RIN3: variants seen among roughly 807,000 people sequenced by gnomAD.
The protein encoded by RIN3 is RAB5 interacting protein 3.
A neutral mutation model predicts 76.3 loss-of-function variants in RIN3; 54 were observed. The observed-to-expected ratio is 0.71, with a 90% CI of 0.57 to 0.89. The LOEUF (loss-of-function observed/expected upper bound fraction) is 0.89, where lower values mean the gene tolerates loss of function less well. Ranked by LOEUF, RIN3 falls within the 40% of genes least tolerant of loss-of-function variation. The pLI, the probability that RIN3 is intolerant of heterozygous loss-of-function variation, is 0.00. For missense variants in RIN3, 1,256 were observed against 1,322.1 expected (o/e 0.95, Z 0.78); for synonymous variants, 576 against 564.0 (o/e 1.02, Z -0.30).
At chr14:92,555,101 T>G (rs1487219186) in intron 1 of RIN3, among the ~76,000 whole-genome samples, 1 of 152,184 alleles carries the variant, frequency 6.6e-6, no homozygotes, top group Non-Finnish European at 1.5e-5. Flanking sequence ...TTGATTTGGG[T>G]GGTAGTTACA....
At position 92,652,971 on chromosome 14, in the gene RIN3, T is replaced by C; in HGVS notation, c.1922T>C (p.Leu641Pro). ...MARQTSSTEM[L>P]QEIRTMMTQL... is the part of the protein sequence containing the mutation. ...CGCCAGACCTCCAGCACGGAGATGC[T>C]GCAGGAGATTCGCACCATGATGACC... The change falls in exon 6 of 10, where the codon CTG becomes CCG. Residue 641 changes from leucine to proline, a missense_variant. Physicochemically the swap from Leu to Pro is moderately conservative, Grantham distance 98. Transcript: ENST00000216487. The surrounding 1 kb of genome is among the most constrained non-coding windows in gnomAD (Gnocchi z 6.4). 6.2e-7 allele frequency: 1 copy of C among 1,613,614 alleles called. No individual in the cohort carries two copies. The highest frequency in any genetic ancestry group is 8.5e-7 in the Non-Finnish European group (1 of 1,180,028).
rs557390467 is a variant in RIN3, at chr14:92,534,723, G to A, written c.44+20747G>A. Among the ~76,000 whole-genome samples the A allele has an allele frequency of 5.9e-4, 89 of 152,124 alleles. No homozygotes were observed. In the South Asian group the frequency reaches 0.017, roughly 29 times the overall value. On this transcript the variant is annotated intron_variant, in intron 1 of 9. Coordinates refer to ENST00000216487, the MANE Select transcript of RIN3 (RefSeq NM_024832.5). ...GGCAGCTGAGGGGCAGCCAGGCAGGGGGTCTCTGCTGGTCTTCTCAAATCC... is the reference window on the plus strand; with the variant it reads ...GGCAGCTGAGGGGCAGCCAGGCAGGAGGTCTCTGCTGGTCTTCTCAAATCC...
chr14:92,541,760 C>A (rs1897136641), intron 1 of RIN3, among the ~76,000 whole-genome samples: 1 of 152,100 alleles, frequency 6.6e-6, no homozygotes, highest in Admixed American at 6.6e-5. Flanking sequence ...AAACCACAAG[C>A]AACAAAAGAA....
intron 7 of RIN3, among the ~76,000 whole-genome samples, chr14:92,668,896 A>G (rs1291523497): frequency 6.6e-6 from 1 of 152,324 alleles, no homozygotes; most frequent in East Asian, 1.9e-4. Flanking sequence ...GCAAACACAG[A>G]TTTGAAGTCT....
chr14:92,590,168 T>G (rs1240789248), intron 3 of RIN3, among the ~76,000 whole-genome samples: 1 of 152,192 alleles, frequency 6.6e-6, no homozygotes, highest in East Asian at 1.9e-4. Context: ...TTGACCAGGT[T>G]CCTGCAGTGA....
intron 1 of RIN3, among the ~76,000 whole-genome samples, chr14:92,547,555 C>T (rs1432210318): frequency 1.3e-5 from 2 of 151,364 alleles, no homozygotes; most frequent in African/African-American, 2.4e-5. Flanking sequence ...CCACTGTGCC[C>T]AGCTGATTCT....
At chr14:92,682,088 T>C (rs1031580297) in intron 8 of RIN3, among the ~76,000 whole-genome samples, 1 of 152,148 alleles carries the variant, frequency 6.6e-6, no homozygotes, top group African/African-American at 2.4e-5. Context: ...GATTTCGTCA[T>C]GTTGGCCAGG....
In RIN3 at chr14:92,659,354, G is replaced by A. The variant is rs1346277603; in HGVS notation, c.2220G>A (p.Glu740=). The change falls in exon 7 of 10, where the codon GAG becomes GAA. Residue 740 remains glutamate, a synonymous_variant. Transcript: ENST00000216487. ...TTSVPEVPMM[E]KILQKFTSMH... ...GCGTGCCGGAGGTGCCCATGATGGA[G>A]AAGATCCTGCAGAAGTTCACCAGCA... 3.1e-6 allele frequency: 5 copies of A among 1,612,666 alleles called. No homozygotes were observed. Among genetic ancestry groups the A allele is most frequent in the Non-Finnish European group, 3.4e-6 (4 of 1,179,256 alleles).
chr14:92,551,414 C>T (rs963292813), intron 1 of RIN3, among the ~76,000 whole-genome samples: 3 of 152,182 alleles, frequency 2.0e-5, no homozygotes, highest in African/African-American at 4.8e-5. Context: ...CTTTGACATT[C>T]GTATGCAGGT....
chr14:92,653,089 G>A lies in RIN3; in HGVS notation c.2026+14G>A. ...AGGAGGAGCTCGGTCAGTGCCCTGG[G>A]AGGAGGTGGCAGGGAGGAGAGGGCG... On this transcript the variant is annotated intron_variant, in intron 6 of 9. Transcript: ENST00000216487. 6.3e-7 allele frequency: 1 copy of A among 1,590,806 alleles called. No homozygotes were observed. The highest frequency in any genetic ancestry group is 8.5e-7 in the Non-Finnish European group (1 of 1,173,956).
At chr14:92,670,970 C>G (rs1888268722) in intron 7 of RIN3, among the ~76,000 whole-genome samples, 5 of 152,188 alleles carry the variant, frequency 3.3e-5, no homozygotes, top group Admixed American at 2.0e-4. Flanking sequence ...CTTTCTAAGG[C>G]CCACAGGACA....
At chr14:92,516,622 C>T (rs1275798418) in intron 1 of RIN3, among the ~76,000 whole-genome samples, 2 of 152,298 alleles carry the variant, frequency 1.3e-5, no homozygotes, top group Middle Eastern at 3.4e-3. Context: ...CTCCTGCCCC[C>T]CCACCCCGAG....
At chr14:92,526,177 C>T (rs148823202) in intron 1 of RIN3, among the ~76,000 whole-genome samples, 77 of 152,224 alleles carry the variant, frequency 5.1e-4, no homozygotes, top group South Asian at 1.0e-3. Flanking sequence ...AGCTATTGCC[C>T]GGGCGAGGTG....
At chr14:92,582,159 G>A (rs1048872777) in intron 3 of RIN3, among the ~76,000 whole-genome samples, 12 of 152,170 alleles carry the variant, frequency 7.9e-5, no homozygotes, top group East Asian at 1.9e-4. Context: ...TTGGTCAAGC[G>A]AAGAATTTTT....
At chr14:92,673,827 G>T (rs1325442539) in intron 7 of RIN3, among the ~76,000 whole-genome samples, 1 of 152,168 alleles carries the variant, frequency 6.6e-6, no homozygotes, top group Non-Finnish European at 1.5e-5. Context: ...AGTGAAGTCA[G>T]GCTGTTGTCT....
rs1301028817 is a variant in RIN3 at position 92,652,370 on chromosome 14, A to G, written c.1321A>G (p.Ser441Gly). Residue 441 changes from serine (S) to glycine (G), a missense_variant, in exon 6 of 10, where the codon AGC becomes GGC. By Grantham distance (56) the Ser-to-Gly change is moderately conservative. Around this residue, in one of 3 missense-constraint regions of RIN3, gnomAD observed 610 missense variants for 626.4 expected, o/e 0.97. Coordinates refer to ENST00000216487, the MANE Select transcript of RIN3 (RefSeq NM_024832.5). This position sits in a 1 kb window ranked among gnomAD's most constrained non-coding sequence, Gnocchi z 6.4. ...AGGCCAGGACACAGAGGTGAAAGCC[A>G]GCGATCCTCACAGCATGCCAGAGCT... ...EQGQDTEVKA[S>G]DPHSMPELPR... 5 of 1,609,334 alleles carry G rather than the reference A, an allele frequency of 3.1e-6. No individual in the cohort carries two copies. The South Asian group carries it at 4.4e-5, about 14-fold the overall frequency.
chr14:92,632,501 G>A (rs889867370), intron 4 of RIN3, among the ~76,000 whole-genome samples: 3 of 152,254 alleles, frequency 2.0e-5, no homozygotes, highest in Admixed American at 6.5e-5. Flanking sequence ...CATGAAGTAA[G>A]GGCTCAAAAA....
At chr14:92,515,400 G>T in intron 1 of RIN3, 2 of 577,690 alleles carry the variant, frequency 3.5e-6, no homozygotes, top group Non-Finnish European at 3.1e-6. Context: ...TTTCCCCAGA[G>T]ATGACCTAGT....
chr14:92,540,014 C>T (rs1436097224), intron 1 of RIN3, among the ~76,000 whole-genome samples: 1 of 152,176 alleles, frequency 6.6e-6, no homozygotes, highest in Non-Finnish European at 1.5e-5. Context: ...GCAGGTGGAG[C>T]CCAGTAGGGA....
Sources: allele counts gnomAD v4.1 joint callset (sites outside exome capture counted in the v4.1 genomes callset), GRCh38; gene constraint gnomAD v4.1.1; regional missense constraint gnomAD v4.1.1; non-coding constraint Gnocchi (gnomAD v3.1); transcripts MANE v1.5; gene names NCBI Gene and HGNC (gene_info 2026-07-23, HGNC 2026-07-21).